Variants in SPOCK3 observed in about 807,000 individuals in gnomAD.
The protein encoded by SPOCK3 is SPARC (osteonectin), cwcv and kazal like domains proteoglycan 3, also known as testican-3.
In SPOCK3, 30 loss-of-function variants were observed where a neutral mutation model predicts 56.6. The observed-to-expected ratio is 0.53, with a 90% CI of 0.40 to 0.72. The LOEUF is 0.72. SPOCK3 is among the 30% of genes least tolerant of loss of function. The probability of loss-of-function intolerance (pLI) is 0.00; values close to 1 mark genes in which losing one functional copy is unlikely to be tolerated. For synonymous variants in SPOCK3, 196 were observed against 183.3 expected (o/e 1.07, Z -0.56); for missense variants, 527 against 530.0 (o/e 0.99, Z 0.06).
chr4:166,749,553 G>T (rs1402205334), intron 8 of SPOCK3, among the ~76,000 whole-genome samples: 3 of 151,800 alleles, frequency 2.0e-5, no homozygotes, highest in East Asian at 1.9e-4. Context: ...GAGTTTATGG[G>T]TGCAGCACAC....
At chr4:166,918,760 C>G (rs1738169677) in intron 4 of SPOCK3, among the ~76,000 whole-genome samples, 1 of 152,122 alleles carries the variant, frequency 6.6e-6, no homozygotes, top group Non-Finnish European at 1.5e-5. Flanking sequence ...TTTTTTCCCT[C>G]CAAATGTCAT....
In SPOCK3 at chr4:166,832,366, C is replaced by T. The variant is rs538854832; in HGVS notation, c.590-40077G>A. 6.0e-4 allele frequency among the ~76,000 whole-genome samples: 90 copies of T among 149,282 alleles called. 1 individual carries two copies. The highest frequency in any genetic ancestry group is 1.9e-3 in the African/African-American group (78 of 40,476). The stretch of plus-strand genomic sequence containing the variant: ...AAGCAAAACAATAATGAGGCACCAT[C>T]CCACACCAATCAGAATGGCTATTAT... On this transcript the variant is annotated intron_variant, in intron 6 of 10. Coordinates refer to ENST00000357545, the MANE Select transcript of SPOCK3 (RefSeq NM_001040159.2).
intron 2 of SPOCK3, among the ~76,000 whole-genome samples, chr4:167,124,947 G>T (rs1762142109): frequency 6.6e-6 from 1 of 151,886 alleles, no homozygotes; most frequent in South Asian, 2.1e-4. Flanking sequence ...TCCTCCCTCG[G>T]CCCAATATCT....
intron 4 of SPOCK3, among the ~76,000 whole-genome samples, chr4:166,927,715 G>T (rs1174658902): frequency 6.6e-6 from 1 of 152,074 alleles, no homozygotes; most frequent in East Asian, 1.9e-4. Context: ...ATGAAAGAAA[G>T]AATTGAAAAG....
Position 166,792,155 on chromosome 4 carries a change from A to C in SPOCK3, c.709+15T>G. On this transcript the variant is annotated intron_variant, in intron 7 of 10. Transcript: ENST00000357545. ...TAACAGATACAGTAGCAATGATCAA[A>C]TTTAGAAATCTTACTGCTTCTCTCA... 1 of 1,613,682 alleles carries C rather than the reference A, an allele frequency of 6.2e-7. No homozygotes were observed. The highest frequency in any genetic ancestry group is 8.5e-7 in the Non-Finnish European group (1 of 1,179,698).
At chr4:166,885,143 C>T (rs1216712687) in intron 6 of SPOCK3, among the ~76,000 whole-genome samples, 1 of 151,372 alleles carries the variant, frequency 6.6e-6, no homozygotes, top group African/African-American at 2.4e-5. Context: ...ATTCTTTTTC[C>T]TTGTCCATCA....
intron 6 of SPOCK3, among the ~76,000 whole-genome samples, chr4:166,794,600 C>T (rs1741708480): frequency 6.6e-6 from 1 of 151,190 alleles, no homozygotes; most frequent in Admixed American, 6.6e-5. Context: ...TAACCCTTGA[C>T]CCAGCAATTG....
chr4:166,954,503 A>G (rs1275639191), intron 4 of SPOCK3, among the ~76,000 whole-genome samples: 2 of 152,008 alleles, frequency 1.3e-5, no homozygotes, highest in Non-Finnish European at 2.9e-5. Context: ...TGAGCATCTA[A>G]TTTTATTATT....
intron 2 of SPOCK3, among the ~76,000 whole-genome samples, chr4:167,130,820 A>C (rs1762646185): frequency 6.6e-6 from 1 of 152,054 alleles, no homozygotes; most frequent in Non-Finnish European, 1.5e-5. Flanking sequence ...TGTATTATAA[A>C]CCATGTCACT....
At chr4:167,069,842 T>G (rs897923707) in intron 2 of SPOCK3, among the ~76,000 whole-genome samples, 4 of 151,956 alleles carry the variant, frequency 2.6e-5, no homozygotes, top group African/African-American at 9.7e-5. Context: ...AGGAATCATG[T>G]AGCAACTTGG....
intron 7 of SPOCK3, among the ~76,000 whole-genome samples, chr4:166,767,257 T>C (rs1334923735): frequency 6.6e-6 from 1 of 152,208 alleles, no homozygotes; most frequent in Non-Finnish European, 1.5e-5. Context: ...CTCTTGCCTC[T>C]CTAGTTCTTT....
chr4:166,949,229 T>C (rs1742181356), intron 4 of SPOCK3, among the ~76,000 whole-genome samples: 1 of 152,204 alleles, frequency 6.6e-6, no homozygotes, highest in Non-Finnish European at 1.5e-5. Flanking sequence ...TTGGTTATTC[T>C]AGTTATACAT....
chr4:167,090,990 A>G (rs566217100), intron 2 of SPOCK3, among the ~76,000 whole-genome samples: 25 of 152,318 alleles, frequency 1.6e-4, no homozygotes, highest in African/African-American at 6.0e-4. Flanking sequence ...TTAACAAGTA[A>G]TCAAAATGAT....
chr4:166,887,083 T>G (rs1734276962), intron 6 of SPOCK3, among the ~76,000 whole-genome samples: 1 of 152,164 alleles, frequency 6.6e-6, no homozygotes, highest in Admixed American at 6.6e-5. Flanking sequence ...CTTGATATAT[T>G]AATATACACA....
At chr4:167,105,611 CAAT>C (rs1460075524) in intron 2 of SPOCK3, among the ~76,000 whole-genome samples, 1 of 148,748 alleles carries the variant, frequency 6.7e-6, no homozygotes, top group African/African-American at 2.5e-5. Flanking sequence ...CCTTATTTAT[CAAT>C]AATAACATTG....
intron 2 of SPOCK3, among the ~76,000 whole-genome samples, chr4:167,110,151 G>A (rs1760779641): frequency 6.6e-6 from 1 of 152,038 alleles, no homozygotes; most frequent in Admixed American, 6.6e-5. Flanking sequence ...GACATCGTTT[G>A]TGATCTCTCA....
At chr4:166,951,817 A>G (rs963280732) in intron 4 of SPOCK3, among the ~76,000 whole-genome samples, 23 of 152,050 alleles carry the variant, frequency 1.5e-4, no homozygotes, top group South Asian at 4.2e-4. Context: ...TATAAACAGA[A>G]CCAAAGACAA....
intron 6 of SPOCK3, among the ~76,000 whole-genome samples, chr4:166,828,576 CTAT>C (rs1745716100): frequency 6.6e-6 from 1 of 152,026 alleles, no homozygotes; most frequent in Middle Eastern, 3.4e-3. Flanking sequence ...GGCACACACA[CTAT>C]TATTATATTA....
At chr4:167,071,907 T>A (rs891023065) in intron 2 of SPOCK3, among the ~76,000 whole-genome samples, 1 of 152,090 alleles carries the variant, frequency 6.6e-6, no homozygotes, top group Non-Finnish European at 1.5e-5. Context: ...TTTTTAATGA[T>A]CGCCATTCTA....
Sources: gnomAD v4.1 joint callset for allele counts (sites outside exome capture counted in the v4.1 genomes callset) on GRCh38, gnomAD v4.1.1 for gene constraint, MANE v1.5 for transcripts, NCBI Gene and HGNC (gene_info 2026-07-23, HGNC 2026-07-21) for gene names.